The following PRKN variants were observed in gnomAD, a reference collection of about 807,000 sequenced individuals.
The protein encoded by PRKN is E3 ubiquitin-protein ligase parkin.
PRKN carries 56 observed loss-of-function variants against 59.5 expected under a neutral mutation model. That is an observed-to-expected ratio of 0.94 (90% CI 0.76 to 1.18). The LOEUF is 1.18. Among genes scored for constraint, PRKN ranks in the 50% most tolerant of loss-of-function variants. The probability of loss-of-function intolerance (pLI) is 0.00; values close to 1 mark genes in which losing one functional copy is unlikely to be tolerated. For missense variants in PRKN, 657 were observed against 596.4 expected (o/e 1.10, Z -1.06); for synonymous variants, 250 against 222.1 (o/e 1.13, Z -1.12).
chr6:161,753,204 T>A (rs572088526), intron 7 of PRKN, among the ~76,000 whole-genome samples: 1 of 151,432 alleles, frequency 6.6e-6, no homozygotes, highest in South Asian at 2.1e-4. Context: ...TGATGAAGAG[T>A]TGCATGATAG....
chr6:161,607,714 G>C (rs1030687698), intron 7 of PRKN, among the ~76,000 whole-genome samples: 3 of 152,174 alleles, frequency 2.0e-5, no homozygotes, highest in East Asian at 1.9e-4. Context: ...ATCCCAGAAA[G>C]AGAAAATAAA....
rs185481295 is a variant in PRKN, at chr6:161,455,183, C to T, written c.1084-68306G>A. On this transcript the variant is annotated intron_variant, in intron 9 of 11. Coordinates refer to ENST00000366898, the MANE Select transcript of PRKN (RefSeq NM_004562.3). ...CCTCCTGAGTAGCTGGAATTACAGGCGCCTGCCACCATGCCCGACTAATTT... is the reference window on the plus strand; with the variant it reads ...CCTCCTGAGTAGCTGGAATTACAGGTGCCTGCCACCATGCCCGACTAATTT... Among the ~76,000 whole-genome samples the T allele has an allele frequency of 2.0e-3, 303 of 151,974 alleles. 1 individual carries two copies. Among genetic ancestry groups the T allele is most frequent in the African/African-American group, 6.8e-3 (283 of 41,458 alleles).
intron 6 of PRKN, among the ~76,000 whole-genome samples, chr6:161,860,036 A>G (rs1486826891): frequency 2.0e-5 from 3 of 152,178 alleles, no homozygotes; most frequent in African/African-American, 7.2e-5. Context: ...TTGACACTTC[A>G]AAATTATCAT....
At chr6:162,384,667 A>C (rs553290213) in intron 2 of PRKN, among the ~76,000 whole-genome samples, 82 of 149,838 alleles carry the variant, frequency 5.5e-4, no homozygotes, top group South Asian at 8.5e-4. Context: ...AAAAAACAAA[A>C]AAAAAAAACA....
chr6:162,051,678 GT>G (rs113546975), intron 5 of PRKN, among the ~76,000 whole-genome samples: 2,690 of 152,242 alleles, frequency 0.018, 62 homozygotes, highest in African/African-American at 0.062. Context: ...CCCAGGGTGA[GT>G]TGTCACCCCC....
At chr6:161,867,746 T>TTTATTTATTTA (rs1388966858) in intron 6 of PRKN, among the ~76,000 whole-genome samples, 5 of 144,324 alleles carry the variant, frequency 3.5e-5, no homozygotes, top group African/African-American at 1.4e-4. Flanking sequence ...CTTTCATTTA[T>TTTATTTATTTA]TTATTTATTT....
intron 1 of PRKN, among the ~76,000 whole-genome samples, chr6:162,593,064 T>C (rs1271254527): frequency 6.6e-6 from 1 of 152,128 alleles, no homozygotes; most frequent in Non-Finnish European, 1.5e-5. Context: ...TGCTGCTGGA[T>C]ACGATGTCAG....
At chr6:161,657,096 G>A (rs924322380) in intron 7 of PRKN, among the ~76,000 whole-genome samples, 1 of 152,098 alleles carries the variant, frequency 6.6e-6, no homozygotes, top group African/African-American at 2.4e-5. Context: ...GTCCAAAATT[G>A]AGTGCACAAC....
chr6:161,944,994 G>A (rs1367753174), intron 6 of PRKN, among the ~76,000 whole-genome samples: 1 of 152,132 alleles, frequency 6.6e-6, no homozygotes, highest in Non-Finnish European at 1.5e-5. Flanking sequence ...TTATCCTCAA[G>A]TTATATATGA....
intron 1 of PRKN, among the ~76,000 whole-genome samples, chr6:162,617,623 C>T (rs986048353): frequency 7.9e-5 from 12 of 152,098 alleles, no homozygotes; most frequent in Non-Finnish European, 1.2e-4. Context: ...CCAACATCTC[C>T]CTATTTCCTT....
intron 1 of PRKN, among the ~76,000 whole-genome samples, chr6:162,536,027 T>C (rs982005102): frequency 2.6e-5 from 4 of 152,038 alleles, no homozygotes; most frequent in Admixed American, 6.6e-5. Flanking sequence ...CATCAAACTA[T>C]AGCAAAAACA....
At chr6:161,853,637 T>C (rs1793524723) in intron 6 of PRKN, among the ~76,000 whole-genome samples, 1 of 152,214 alleles carries the variant, frequency 6.6e-6, no homozygotes, top group South Asian at 2.1e-4. Context: ...TTACTTCGAC[T>C]TTTTCTCTGG....
At chr6:162,093,596 T>C (rs1274881595) in intron 4 of PRKN, among the ~76,000 whole-genome samples, 1 of 152,202 alleles carries the variant, frequency 6.6e-6, no homozygotes, top group Non-Finnish European at 1.5e-5. Context: ...TCAAAACAGA[T>C]GTACTTGAAT....
chr6:162,680,664 A>T (rs930510977), intron 1 of PRKN, among the ~76,000 whole-genome samples: 2 of 151,976 alleles, frequency 1.3e-5, no homozygotes, highest in Non-Finnish European at 2.9e-5. Flanking sequence ...AATTTTTTTT[A>T]AAAACTAAAA....
chr6:162,262,826 G>A (rs950788301), intron 2 of PRKN, 61 bp from the exon 3 acceptor site: 22 of 1,583,126 alleles, frequency 1.4e-5, no homozygotes, highest in African/African-American at 1.4e-4. Flanking sequence ...CATGAAATGC[G>A]AGATAGAGTT....
At chr6:162,174,183 T>C (rs957991445) in intron 4 of PRKN, among the ~76,000 whole-genome samples, 1 of 152,196 alleles carries the variant, frequency 6.6e-6, no homozygotes, top group East Asian at 1.9e-4. Flanking sequence ...TAAAATACAC[T>C]TGAGAAAGGT....
chr6:162,711,184 A>G (rs565833668), intron 1 of PRKN, among the ~76,000 whole-genome samples: 1 of 152,314 alleles, frequency 6.6e-6, no homozygotes, highest in African/African-American at 2.4e-5. Context: ...CAATGCTCCT[A>G]AAGACCAGGC....
In PRKN at chr6:161,584,135, G is replaced by T. The variant is rs1336564572; in HGVS notation, c.872-14719C>A. On this transcript the variant is annotated intron_variant, in intron 7 of 11. Coordinates refer to ENST00000366898, the MANE Select transcript of PRKN (RefSeq NM_004562.3). The surrounding 1 kb of genome is among the most constrained non-coding windows in gnomAD (Gnocchi z 4.8). ...ATCTCTTCTTCCTTCCTGAGATGAA[G>T]CTTGGCATCACTCCACTCTGAAAGA... Among the ~76,000 whole-genome samples, 2 of 152,136 alleles carry T rather than the reference G, an allele frequency of 1.3e-5. No homozygotes were observed. The highest frequency in any genetic ancestry group is 6.5e-5 in the Admixed American group (1 of 15,280).
At chr6:162,684,492 A>C (rs1006228018) in intron 1 of PRKN, among the ~76,000 whole-genome samples, 13 of 152,148 alleles carry the variant, frequency 8.5e-5, no homozygotes, top group African/African-American at 3.1e-4. Flanking sequence ...ATACAGCATA[A>C]GTTGAATGAC....
Sources: gnomAD v4.1 joint callset for allele counts (sites outside exome capture counted in the v4.1 genomes callset) on GRCh38, gnomAD v4.1.1 for gene constraint, Gnocchi (gnomAD v3.1) non-coding constraint, MANE v1.5 for transcripts, NCBI Gene and HGNC (gene_info 2026-07-23, HGNC 2026-07-21) for gene names.